Variants in EFNA5 observed in about 807,000 individuals in gnomAD.
EFNA5 encodes ephrin-A5.
A neutral mutation model predicts 22.9 loss-of-function variants in EFNA5; 5 were observed. The observed-to-expected ratio is 0.22, with a 90% CI of 0.11 to 0.46. The LOEUF (loss-of-function observed/expected upper bound fraction) is 0.46. EFNA5 is among the 20% of genes least tolerant of loss of function. The pLI is 0.99. For missense variants in EFNA5, 237 were observed against 293.3 expected (o/e 0.81, Z 1.40); for synonymous variants, 113 against 112.2 (o/e 1.01, Z -0.04).
intron 2 of EFNA5, among the ~76,000 whole-genome samples, chr5:107,399,279 C>T (rs1748015618): frequency 6.9e-6 from 1 of 144,020 alleles, no homozygotes; most frequent in Non-Finnish European, 1.5e-5. Flanking sequence ...ATGGCAAAAC[C>T]CCATCTCTAC....
chr5:107,670,673 G>C lies in EFNA5; in HGVS notation c.-60C>G. 1 of 1,568,218 alleles carries C rather than the reference G, an allele frequency of 6.4e-7. No homozygotes were observed. Among genetic ancestry groups the C allele is most frequent in the Non-Finnish European group, 8.6e-7 (1 of 1,157,832 alleles). ...ACTCCGGGGAGAGAGCGGGGATCCGGAGGGAGGGAGGCAGGCAAAGGGACA... is the reference window on the plus strand; with the variant it reads ...ACTCCGGGGAGAGAGCGGGGATCCGCAGGGAGGGAGGCAGGCAAAGGGACA... On this transcript the variant is annotated 5_prime_UTR_variant, in exon 1 of 5. Coordinates refer to ENST00000333274, the MANE Select transcript of EFNA5 (RefSeq NM_001962.3).
At chr5:107,442,929 T>TAAAA (rs544741414) in intron 1 of EFNA5, among the ~76,000 whole-genome samples, 6 of 82,318 alleles carry the variant, frequency 7.3e-5, no homozygotes, top group African/African-American at 2.3e-4. Context: ...CCCCAGGTAC[T>TAAAA]AAAAAAAAAA....
At chr5:107,546,706 A>G (rs1317199389) in intron 1 of EFNA5, among the ~76,000 whole-genome samples, 1 of 124,924 alleles carries the variant, frequency 8.0e-6, no homozygotes, top group Non-Finnish European at 1.8e-5. Context: ...CTGGTGTAGG[A>G]AAGAATTTTT....
chr5:107,658,237 T>C (rs570584792), intron 1 of EFNA5, among the ~76,000 whole-genome samples: 1 of 152,290 alleles, frequency 6.6e-6, no homozygotes, highest in South Asian at 2.1e-4. Context: ...AGTTGGAAAG[T>C]GTTAAAAATC....
At chr5:107,403,842 T>C (rs940277754) in intron 2 of EFNA5, among the ~76,000 whole-genome samples, 1 of 152,216 alleles carries the variant, frequency 6.6e-6, no homozygotes, top group Non-Finnish European at 1.5e-5. Context: ...TATTTAGCAG[T>C]GTATTCTCTT....
At chr5:107,619,577 C>T (rs1263508978) in intron 1 of EFNA5, among the ~76,000 whole-genome samples, 4 of 151,906 alleles carry the variant, frequency 2.6e-5, no homozygotes, top group East Asian at 1.9e-4. Flanking sequence ...ATTCTCCTGC[C>T]TCAGCCTCTC....
In EFNA5 at chr5:107,631,994, A is replaced by G. The variant is rs116353427; in HGVS notation, c.125+38495T>C. Among the ~76,000 whole-genome samples the G allele has an allele frequency of 7.5e-3, 1,139 of 152,346 alleles. 18 individuals are homozygous for G. Among genetic ancestry groups the G allele is most frequent in the African/African-American group, 0.025 (1,055 of 41,578 alleles). ...CCCAGGAGATTCTTGCAACAGACAG[A>G]TGCTGGCCACACTTCACAGCCTTCC... On this transcript the variant is annotated intron_variant, in intron 1 of 4. Coordinates refer to ENST00000333274, the MANE Select transcript of EFNA5 (RefSeq NM_001962.3).
At chr5:107,544,359 C>T (rs1748107334) in intron 1 of EFNA5, among the ~76,000 whole-genome samples, 1 of 152,162 alleles carries the variant, frequency 6.6e-6, no homozygotes, top group South Asian at 2.1e-4. Flanking sequence ...AAAGCTATCA[C>T]CTAGCATCCA....
chr5:107,591,820 C>CAA (rs202084347), intron 1 of EFNA5, among the ~76,000 whole-genome samples: 1,566 of 78,076 alleles, frequency 0.02, 74 homozygotes, highest in Non-Finnish European at 0.031. Flanking sequence ...GACTCCGTCT[C>CAA]AAAAAAATAT....
intron 1 of EFNA5, among the ~76,000 whole-genome samples, chr5:107,502,250 C>T (rs1429427077): frequency 2.6e-5 from 4 of 152,280 alleles, no homozygotes; most frequent in Non-Finnish European, 1.5e-5. Context: ...TCATTTTATC[C>T]ATTTCCTCTC....
At chr5:107,422,083 G>A (rs1402087415) in intron 2 of EFNA5, among the ~76,000 whole-genome samples, 4 of 152,140 alleles carry the variant, frequency 2.6e-5, no homozygotes, top group Non-Finnish European at 2.9e-5. Flanking sequence ...GAGCCACTGC[G>A]CCCGGCCCTC....
chr5:107,569,781 G>C (rs1481905698), intron 1 of EFNA5, among the ~76,000 whole-genome samples: 19 of 147,624 alleles, frequency 1.3e-4, no homozygotes, highest in Middle Eastern at 3.5e-3. Context: ...GAACCTGGGA[G>C]GGGGAGGCTG....
At chr5:107,518,986 A>G (rs192988473) in intron 1 of EFNA5, among the ~76,000 whole-genome samples, 151 of 152,348 alleles carry the variant, frequency 9.9e-4, no homozygotes, top group African/African-American at 3.4e-3. Context: ...GTTTCATTTG[A>G]TGTAATGATA....
intron 1 of EFNA5, among the ~76,000 whole-genome samples, chr5:107,439,430 A>C (rs1749199564): frequency 6.6e-6 from 1 of 152,228 alleles, no homozygotes; most frequent in African/African-American, 2.4e-5. Context: ...ACATTAAATT[A>C]GGGATACAGT....
chr5:107,670,053 A>C (rs1461069768), intron 1 of EFNA5, among the ~76,000 whole-genome samples: 1 of 121,138 alleles, frequency 8.3e-6, no homozygotes, highest in Non-Finnish European at 1.7e-5. Context: ...AAAAAAAAAA[A>C]AACTTTGGGG....
At chr5:107,415,465 A>C (rs1748478396) in intron 2 of EFNA5, among the ~76,000 whole-genome samples, 1 of 152,054 alleles carries the variant, frequency 6.6e-6, no homozygotes, top group Non-Finnish European at 1.5e-5. Flanking sequence ...TTGATCCCTG[A>C]GTTTATGCTG....
chr5:107,421,506 T>C (rs1234611525), intron 2 of EFNA5, among the ~76,000 whole-genome samples: 6 of 152,222 alleles, frequency 3.9e-5, no homozygotes, highest in African/African-American at 1.2e-4. Flanking sequence ...TTCTGGTTTC[T>C]GAAGTTATCT....
chr5:107,408,028 T>C (rs754844005), intron 2 of EFNA5, among the ~76,000 whole-genome samples: 2 of 152,162 alleles, frequency 1.3e-5, no homozygotes, highest in Non-Finnish European at 2.9e-5. Flanking sequence ...TGATACTAAT[T>C]TGAAAAACTA....
intron 1 of EFNA5, among the ~76,000 whole-genome samples, chr5:107,648,832 T>C (rs1385260362): frequency 6.6e-6 from 1 of 152,124 alleles, no homozygotes; most frequent in African/African-American, 2.4e-5. Context: ...AGAGTCATGT[T>C]TGAAAGTAAA....
Sources: gnomAD v4.1 joint callset for allele counts (sites outside exome capture counted in the v4.1 genomes callset) on GRCh38, gnomAD v4.1.1 for gene constraint, MANE v1.5 for transcripts, NCBI Gene and HGNC (gene_info 2026-07-23, HGNC 2026-07-21) for gene names.